RAB3C: variants seen among roughly 807,000 people sequenced by gnomAD.
RAB3C encodes RAB3C, member RAS oncogene family, also known as ras-related protein Rab-3C.
RAB3C carries 17 observed loss-of-function variants against 26.4 expected under a neutral mutation model. That is an observed-to-expected ratio of 0.64 (90% CI 0.44 to 0.97). The LOEUF is 0.97. Among genes scored for constraint, RAB3C ranks in the 50% least tolerant of loss-of-function variants. The pLI, the probability that RAB3C is intolerant of heterozygous loss-of-function variation, is 0.00. For synonymous variants in RAB3C, 91 were observed against 95.9 expected, an observed-to-expected ratio of 0.95 and a Z score of 0.30; for missense variants, 242 against 281.9, an observed-to-expected ratio of 0.86 and a Z score of 1.01.
intron 2 of RAB3C, among the ~76,000 whole-genome samples, chr5:58,693,644 T>C (rs369006289): frequency 5.8e-4 from 88 of 152,298 alleles, no homozygotes; most frequent in African/African-American, 1.9e-3. Flanking sequence ...CTACCATAGA[T>C]GGTCCAACAT....
chr5:58,733,110 T>G (rs1741061647), intron 3 of RAB3C, among the ~76,000 whole-genome samples: 1 of 152,194 alleles, frequency 6.6e-6, no homozygotes, highest in African/African-American at 2.4e-5. Context: ...GGTTATCTTT[T>G]TTCCTGCTGG....
intron 2 of RAB3C, among the ~76,000 whole-genome samples, chr5:58,668,586 G>T (rs1416380847): frequency 1.3e-5 from 2 of 151,960 alleles, no homozygotes; most frequent in Non-Finnish European, 2.9e-5. Context: ...TCCACATTAG[G>T]TATATTTGAG....
At chr5:58,789,949 T>C (rs1742484021) in intron 3 of RAB3C, among the ~76,000 whole-genome samples, 1 of 152,150 alleles carries the variant, frequency 6.6e-6, no homozygotes. Flanking sequence ...TAATCTCCAC[T>C]CCCAGAGCTT....
chr5:58,753,379 A>T (rs571538816), intron 3 of RAB3C, among the ~76,000 whole-genome samples: 2 of 152,166 alleles, frequency 1.3e-5, no homozygotes, highest in African/African-American at 4.8e-5. Flanking sequence ...CTTAAAAGTA[A>T]ATTTTAAGAA....
In RAB3C at chr5:58,841,335, T is replaced by G. The variant is rs144077283; in HGVS notation, c.497-9829T>G. ...GTGACAGGAGTTGTTTTCCCTGCTG[T>G]GCAGGACCAGAGTCATAGCTGATTC... On this transcript the variant is annotated intron_variant, in intron 4 of 4. Transcript: ENST00000282878. 4.3e-4 allele frequency among the ~76,000 whole-genome samples: 66 copies of G among 152,298 alleles called. No homozygotes were observed. The East Asian group carries it at 0.012, about 27-fold the overall frequency.
intron 3 of RAB3C, among the ~76,000 whole-genome samples, chr5:58,799,217 A>G (rs1348481640): frequency 1.3e-5 from 2 of 152,226 alleles, no homozygotes; most frequent in African/African-American, 4.8e-5. Flanking sequence ...TCTGCAACTT[A>G]CTTTGAAATA....
chr5:58,699,767 C>G (rs993343456), intron 2 of RAB3C, among the ~76,000 whole-genome samples: 1 of 152,236 alleles, frequency 6.6e-6, no homozygotes, highest in Admixed American at 6.5e-5. Flanking sequence ...TGGGACCCAC[C>G]AAGCCAGTCA....
At chr5:58,704,441 A>G (rs1178595887) in intron 2 of RAB3C, among the ~76,000 whole-genome samples, 1 of 152,174 alleles carries the variant, frequency 6.6e-6, no homozygotes, top group Admixed American at 6.5e-5. Flanking sequence ...AAACTGCATC[A>G]ATATCTCTAT....
chr5:58,669,073 C>T (rs1162642985), intron 2 of RAB3C, among the ~76,000 whole-genome samples: 2 of 152,052 alleles, frequency 1.3e-5, no homozygotes, highest in African/African-American at 4.8e-5. Flanking sequence ...GGGCTCCACC[C>T]CCACAACCTA....
At chr5:58,584,564 A>T (rs974182363) in intron 1 of RAB3C, among the ~76,000 whole-genome samples, 1 of 152,152 alleles carries the variant, frequency 6.6e-6, no homozygotes, top group Non-Finnish European at 1.5e-5. Context: ...ATAATTTTCT[A>T]TTACTGGAGA....
chr5:58,706,015 T>C (rs1347509239), intron 2 of RAB3C, among the ~76,000 whole-genome samples: 1 of 152,166 alleles, frequency 6.6e-6, no homozygotes, highest in African/African-American at 2.4e-5. Context: ...GTACATCCAG[T>C]TGATGTTTTT....
intron 2 of RAB3C, among the ~76,000 whole-genome samples, chr5:58,676,226 G>A (rs1000956751): frequency 2.0e-5 from 3 of 152,088 alleles, no homozygotes; most frequent in East Asian, 1.9e-4. Flanking sequence ...TAGCTGGGTC[G>A]AGCGGCGTGG....
At chr5:58,717,455 CTG>C (rs1749195659) in intron 2 of RAB3C, among the ~76,000 whole-genome samples, 1 of 152,110 alleles carries the variant, frequency 6.6e-6, no homozygotes, top group East Asian at 1.9e-4. Context: ...GGACAAGCTT[CTG>C]TGTGACAGAC....
At chr5:58,682,307 T>C (rs530030215) in intron 2 of RAB3C, among the ~76,000 whole-genome samples, 1 of 152,320 alleles carries the variant, frequency 6.6e-6, no homozygotes, top group South Asian at 2.1e-4. Flanking sequence ...TATCGTCAAA[T>C]AGCTTTTTTG....
At chr5:58,653,631 A>G (rs1328640804) in intron 2 of RAB3C, among the ~76,000 whole-genome samples, 1 of 152,202 alleles carries the variant, frequency 6.6e-6, no homozygotes, top group Non-Finnish European at 1.5e-5. Context: ...AAAAAGAATG[A>G]GTTCGTGTCC....
intron 3 of RAB3C, among the ~76,000 whole-genome samples, chr5:58,797,353 AATATGTATATATATAATATATAT>A (rs1251705424): frequency 0.018 from 472 of 26,000 alleles, 19 homozygotes; most frequent in African/African-American, 0.1. Context: ...AAAAAAAAAA[AATATGTATATATATAATATATAT>A]ATATATATAT....
intron 1 of RAB3C, among the ~76,000 whole-genome samples, chr5:58,615,626 C>T (rs899144660): frequency 2.0e-5 from 3 of 152,080 alleles, no homozygotes; most frequent in Admixed American, 2.0e-4. Context: ...AGTATGTGGG[C>T]TGGTGGGCCA....
chr5:58,790,118 A>G (rs1742488874), intron 3 of RAB3C, among the ~76,000 whole-genome samples: 1 of 152,216 alleles, frequency 6.6e-6, no homozygotes, highest in Non-Finnish European at 1.5e-5. Flanking sequence ...CTGCTTTAAT[A>G]TCCCATAGGC....
chr5:58,582,952 C>T, upstream of RAB3C: 1 of 947,710 alleles, frequency 1.1e-6, no homozygotes, highest in Non-Finnish European at 1.5e-6. Context: ...GCTTGCTTGC[C>T]GGGAGTTGTA....
Sources: gnomAD v4.1 joint callset for allele counts (sites outside exome capture counted in the v4.1 genomes callset) on GRCh38, gnomAD v4.1.1 for gene constraint, MANE v1.5 for transcripts, NCBI Gene and HGNC (gene_info 2026-07-23, HGNC 2026-07-21) for gene names.